Variants in RBPJ observed in about 807,000 individuals in gnomAD.
RBPJ encodes recombining binding protein suppressor of hairless.
Under a neutral mutation model 67.8 loss-of-function variants are expected in RBPJ, and 9 were observed. That is an observed-to-expected ratio of 0.13 (90% CI 0.08 to 0.23). RBPJ has a LOEUF of 0.23. Ranked by LOEUF, RBPJ falls within the 10% of genes least tolerant of loss-of-function variation. The pLI, the probability that RBPJ is intolerant of heterozygous loss-of-function variation, is 1.00. For synonymous variants in RBPJ, 198 were observed against 203.3 expected (o/e 0.97, Z 0.22); for missense variants, 305 against 595.6 (o/e 0.51, Z 5.08).
intron 1 of RBPJ, among the ~76,000 whole-genome samples, chr4:26,258,238 C>T (rs970722518): frequency 6.6e-6 from 1 of 152,246 alleles, no homozygotes; most frequent in African/African-American, 2.4e-5. Flanking sequence ...TTTCCTGTCT[C>T]TCAACTTGCT....
chr4:26,231,768 C>T (rs1412609951), intron 1 of RBPJ, among the ~76,000 whole-genome samples: 1 of 151,960 alleles, frequency 6.6e-6, no homozygotes, highest in Non-Finnish European at 1.5e-5. Context: ...AGGATGGTCT[C>T]GAACTCGTGA....
intron 1 of RBPJ, among the ~76,000 whole-genome samples, chr4:26,186,424 A>G (rs7679847): frequency 0.8 from 121,143 of 152,150 alleles, 48,731 homozygotes; most frequent in African/African-American, 0.89. Flanking sequence ...CTACATGGGT[A>G]TTTGGTAGAT....
intron 3 of RBPJ, among the ~76,000 whole-genome samples, chr4:26,407,528 G>T (rs1733557438): frequency 6.6e-6 from 1 of 152,138 alleles, no homozygotes; most frequent in East Asian, 1.9e-4. Context: ...TTCTTCACTT[G>T]GTTCCTGGAA....
intron 1 of RBPJ, among the ~76,000 whole-genome samples, chr4:26,205,617 G>A (rs1718142674): frequency 6.6e-6 from 1 of 150,406 alleles, no homozygotes; most frequent in African/African-American, 2.4e-5. Context: ...TTTGGAGATA[G>A]AGTCTTACTC....
the RBPJ span, chr4:26,112,675 G>A: frequency 6.6e-6 from 1 of 150,414 alleles, no homozygotes; most frequent in Admixed American, 6.6e-5. Flanking sequence ...GGAGCCATAT[G>A]GAGGCAGTAT....
chr4:26,114,868 C>T, the RBPJ span, among the ~76,000 whole-genome samples: 5 of 152,252 alleles, frequency 3.3e-5, no homozygotes, highest in East Asian at 5.8e-4. Flanking sequence ...AGTTATTAAA[C>T]AGTCATTATT....
chr4:26,170,276 C>T (rs1276634325), intron 1 of RBPJ, among the ~76,000 whole-genome samples: 1 of 152,092 alleles, frequency 6.6e-6, no homozygotes, highest in African/African-American at 2.4e-5. Context: ...CATGGTGGCT[C>T]CTGCCTATAA....
At chr4:26,290,049 G>C (rs968775129) in intron 1 of RBPJ, among the ~76,000 whole-genome samples, 1 of 150,348 alleles carries the variant, frequency 6.7e-6, no homozygotes, top group South Asian at 2.1e-4. Context: ...AATAAGTTAG[G>C]CTGGGCATGG....
intron 1 of RBPJ, among the ~76,000 whole-genome samples, chr4:26,258,954 C>T (rs1241164630): frequency 1.3e-5 from 2 of 152,040 alleles, no homozygotes; most frequent in African/African-American, 2.4e-5. Context: ...CAGATGTGTG[C>T]CACCATACCC....
chr4:26,413,423 T>G (rs1409734832), intron 3 of RBPJ, among the ~76,000 whole-genome samples: 1 of 152,198 alleles, frequency 6.6e-6, no homozygotes, highest in Non-Finnish European at 1.5e-5. Context: ...TTTCACTCAT[T>G]TATCTGTTTT....
intron 1 of RBPJ, among the ~76,000 whole-genome samples, chr4:26,379,634 C>G (rs1447231649): frequency 2.0e-5 from 3 of 152,152 alleles, no homozygotes; most frequent in African/African-American, 4.8e-5. Context: ...CCATGATCAC[C>G]TGCTACCAGG....
chr4:26,255,248 CA>C lies in RBPJ; in HGVS notation c.-167+91640del, dbSNP rs1217647287. On this transcript the variant is annotated intron_variant, in intron 1 of 4. Transcript: ENST00000512351. ...TGAGACCCCGTCTCTACTAAAAATACAAAAAATGAGCCGGGCGTGGTGGCGG... is the reference window on the plus strand; with the variant it reads ...TGAGACCCCGTCTCTACTAAAAATACAAAAATGAGCCGGGCGTGGTGGCGG... Among the ~76,000 whole-genome samples the C allele has an allele frequency of 2.2e-5, 3 of 136,198 alleles. No individual in the cohort carries two copies. The East Asian group carries it at 6.6e-4, about 30-fold the overall frequency. 89.4% of individuals were successfully genotyped at this position (136,198 alleles called of 152,430 possible).
intron 1 of RBPJ, among the ~76,000 whole-genome samples, chr4:26,341,748 G>A (rs1725561614): frequency 6.6e-6 from 1 of 152,180 alleles, no homozygotes; most frequent in East Asian, 1.9e-4. Context: ...AATGGAGTGG[G>A]AGAGAAATTG....
At chr4:26,414,303 G>A (rs1444786059) in intron 3 of RBPJ, among the ~76,000 whole-genome samples, 2 of 152,048 alleles carry the variant, frequency 1.3e-5, no homozygotes, top group Non-Finnish European at 2.9e-5. Flanking sequence ...CAGAGTAGCT[G>A]GGACTATAGG....
chr4:26,120,809 G>A, the RBPJ span, among the ~76,000 whole-genome samples: 5 of 146,942 alleles, frequency 3.4e-5, 1 homozygote, highest in African/African-American at 1.3e-4. Flanking sequence ...AATGAAGCCT[G>A]GCAAGAGTAC....
chr4:26,233,795 G>T (rs1719367241), intron 1 of RBPJ, among the ~76,000 whole-genome samples: 1 of 152,224 alleles, frequency 6.6e-6, no homozygotes, highest in African/African-American at 2.4e-5. Context: ...GATCTGTGAA[G>T]TGTCTCTTTT....
intron 1 of RBPJ, chr4:26,362,642 A>G: frequency 6.2e-7 from 1 of 1,610,918 alleles, no homozygotes. Flanking sequence ...TGCTTTAGAA[A>G]TCTCCCAGTG....
chr4:26,114,497 A>ATATATATATATATATATATATATG, the RBPJ span, among the ~76,000 whole-genome samples: 2 of 140,036 alleles, frequency 1.4e-5, no homozygotes, highest in African/African-American at 5.5e-5. Context: ...ATATATATAT[A>ATATATATATATATATATATATATG]TGTATGTGTG....
intron 1 of RBPJ, among the ~76,000 whole-genome samples, chr4:26,255,450 A>C (rs537700655): frequency 1.4e-5 from 2 of 148,082 alleles, no homozygotes; most frequent in African/African-American, 5.0e-5. Context: ...TGACCCCTGC[A>C]CATAGATGTT....
Sources: gnomAD v4.1 joint callset for allele counts (sites outside exome capture counted in the v4.1 genomes callset) on GRCh38, gnomAD v4.1.1 for gene constraint, MANE v1.5 for transcripts, NCBI Gene and HGNC (gene_info 2026-07-23, HGNC 2026-07-21) for gene names.